BNC2: variants seen among roughly 807,000 people sequenced by gnomAD.
BNC2 encodes basonuclin zinc finger protein 2.
A neutral mutation model predicts 76.3 loss-of-function variants in BNC2; 20 were observed. The ratio of observed to expected loss-of-function variants is 0.26; its 90% CI spans 0.18 to 0.38. The LOEUF is 0.38. BNC2 is among the 10% of genes least tolerant of loss of function. The pLI, the probability that BNC2 is intolerant of heterozygous loss-of-function variation, is 1.00. For synonymous variants in BNC2, 582 were observed against 514.8 expected, an observed-to-expected ratio of 1.13 and a Z score of -1.77; for missense variants, 1,382 against 1,399.8, an observed-to-expected ratio of 0.99 and a Z score of 0.20.
intron 3 of BNC2, chr9:16,685,541 T>C (rs7046068): frequency 0.92 from 1,198,747 of 1,303,350 alleles, 552,460 homozygotes; most frequent in Non-Finnish European, 0.94. Flanking sequence ...GTTAAGACTC[T>C]AACCTGGACT....
At chr9:16,671,334 G>A (rs568501785) in intron 3 of BNC2, among the ~76,000 whole-genome samples, 3 of 152,184 alleles carry the variant, frequency 2.0e-5, no homozygotes, top group Non-Finnish European at 4.4e-5. Context: ...GTGAAGCAAT[G>A]AAATAACTCA....
chr9:16,857,480 TAAAAAAAAAAAAA>T (rs60082380), intron 1 of BNC2, among the ~76,000 whole-genome samples: 1 of 75,690 alleles, frequency 1.3e-5, no homozygotes, highest in Non-Finnish European at 2.5e-5. Context: ...CTGTCTCAAA[TAAAAAAAAAAAAA>T]AAAAAAAAAA....
At chr9:16,531,568 T>C (rs1817976701) in intron 5 of BNC2, among the ~76,000 whole-genome samples, 1 of 152,072 alleles carries the variant, frequency 6.6e-6, no homozygotes, top group East Asian at 1.9e-4. Flanking sequence ...GTAGGTTCCA[T>C]TTTCAGTAAA....
chr9:16,842,397 T>C (rs1818855244), intron 1 of BNC2, among the ~76,000 whole-genome samples: 1 of 152,196 alleles, frequency 6.6e-6, no homozygotes, highest in African/African-American at 2.4e-5. Context: ...ACATATGTCA[T>C]CTCAGAAACA....
chr9:16,498,335 C>T (rs909603674), intron 5 of BNC2, among the ~76,000 whole-genome samples: 1 of 148,502 alleles, frequency 6.7e-6, no homozygotes, highest in Non-Finnish European at 1.5e-5. Context: ...ACTACGCAGC[C>T]ATAAAAAGGA....
chr9:16,665,140 G>A (rs1379139986), intron 3 of BNC2: 14 of 450,368 alleles, frequency 3.1e-5, no homozygotes, highest in Admixed American at 1.2e-4. Context: ...AGTCCAAGAC[G>A]GGTGGATCAC....
chr9:16,767,864 G>T (rs1048465221), intron 1 of BNC2, among the ~76,000 whole-genome samples: 3 of 151,654 alleles, frequency 2.0e-5, no homozygotes, highest in Non-Finnish European at 4.4e-5. Flanking sequence ...TCCAAAACAT[G>T]ACATTATTTC....
intron 5 of BNC2, among the ~76,000 whole-genome samples, chr9:16,494,606 C>T (rs2131674160): frequency 6.6e-6 from 1 of 152,194 alleles, no homozygotes; most frequent in East Asian, 1.9e-4. Context: ...CAAAATTTTT[C>T]AGGGAAAAGG....
chr9:16,779,984 C>G (rs1215678458), intron 1 of BNC2, among the ~76,000 whole-genome samples: 1 of 152,142 alleles, frequency 6.6e-6, no homozygotes, highest in South Asian at 2.1e-4. Flanking sequence ...CGCCTGTGAT[C>G]CCAGCACTTT....
At chr9:16,533,398 A>G (rs1818042022) in intron 5 of BNC2, among the ~76,000 whole-genome samples, 2 of 152,216 alleles carry the variant, frequency 1.3e-5, no homozygotes, top group Non-Finnish European at 2.9e-5. Context: ...GTGTTGTTGA[A>G]AACTGTCATT....
chr9:16,779,476 C>T (rs73646251), intron 1 of BNC2, among the ~76,000 whole-genome samples: 3 of 152,146 alleles, frequency 2.0e-5, no homozygotes, highest in South Asian at 4.1e-4. Flanking sequence ...TATACCTTAA[C>T]GACTAACAAG....
intron 3 of BNC2, among the ~76,000 whole-genome samples, chr9:16,698,091 T>C (rs1200323718): frequency 6.6e-6 from 1 of 152,182 alleles, no homozygotes. Context: ...GCCCTGCCTA[T>C]TCCTTTACAT....
At chr9:16,866,608 G>C (rs972886074) in intron 1 of BNC2, among the ~76,000 whole-genome samples, 18 of 143,146 alleles carry the variant, frequency 1.3e-4, no homozygotes, top group African/African-American at 3.9e-4. Context: ...AGCCTAGAAA[G>C]CTTAGCTGAC....
intron 1 of BNC2, among the ~76,000 whole-genome samples, chr9:16,795,277 C>T (rs998012524): frequency 1.3e-5 from 2 of 152,040 alleles, no homozygotes; most frequent in African/African-American, 2.4e-5. Flanking sequence ...AAGGCGAACT[C>T]CACATGTGAC....
intron 3 of BNC2, among the ~76,000 whole-genome samples, chr9:16,648,998 C>T (rs956638571): frequency 2.0e-5 from 3 of 152,130 alleles, no homozygotes; most frequent in Admixed American, 6.5e-5. Flanking sequence ...ACTTAGTCGC[C>T]TTAGACTCTG....
At chr9:16,869,916 C>T (rs1042854578) in intron 1 of BNC2, among the ~76,000 whole-genome samples, 1 of 152,162 alleles carries the variant, frequency 6.6e-6, no homozygotes, top group East Asian at 1.9e-4. Flanking sequence ...GCTCCCTCCC[C>T]AGGCCCCAAA....
chr9:16,620,903 G>C (rs1394301971), intron 3 of BNC2, among the ~76,000 whole-genome samples: 2 of 152,128 alleles, frequency 1.3e-5, no homozygotes, highest in African/African-American at 4.8e-5. Flanking sequence ...TACACACACA[G>C]AGGTAACACC....
chr9:16,622,849 C>A (rs1182248605), intron 3 of BNC2, among the ~76,000 whole-genome samples: 1 of 152,070 alleles, frequency 6.6e-6, no homozygotes, highest in African/African-American at 2.4e-5. Context: ...TTTCAGGTGA[C>A]AATTTAAGTG....
chr9:16,808,354 C>A (rs1226626840), intron 1 of BNC2, among the ~76,000 whole-genome samples: 1 of 151,954 alleles, frequency 6.6e-6, no homozygotes, highest in African/African-American at 2.4e-5. Context: ...GTGCTATTCC[C>A]ATTAGAAGGA....
Sources: gnomAD v4.1 joint callset for allele counts (sites outside exome capture counted in the v4.1 genomes callset) on GRCh38, gnomAD v4.1.1 for gene constraint, MANE v1.5 for transcripts, NCBI Gene and HGNC (gene_info 2026-07-23, HGNC 2026-07-21) for gene names.